TTLL6: variants seen among roughly 807,000 people sequenced by gnomAD.
TTLL6 encodes tubulin polyglutamylase TTLL6.
In TTLL6, 75 loss-of-function variants were observed where a neutral mutation model predicts 96.4. The observed-to-expected ratio is 0.78, with a 90% confidence interval of 0.65 to 0.94. TTLL6 has a LOEUF of 0.94. Among genes scored for constraint, TTLL6 ranks in the 40% least tolerant of loss-of-function variants. TTLL6 has a pLI of 0.00. For synonymous variants in TTLL6, 411 were observed against 419.4 expected (o/e 0.98, Z 0.24); for missense variants, 1,030 against 1,093.0 (o/e 0.94, Z 0.81).
chr17:48,789,116 TAAAA>T (rs5820726), intron 10 of TTLL6, among the ~76,000 whole-genome samples: 1 of 145,576 alleles, frequency 6.9e-6, no homozygotes. Flanking sequence ...TTCTTTATAG[TAAAA>T]AAAAAAAAAA....
At chr17:48,799,813 AG>A in intron 5 of TTLL6, 53 bp from the exon 6 acceptor site, 1 of 1,480,968 alleles carries the variant, frequency 6.8e-7, no homozygotes, top group Non-Finnish European at 9.2e-7. Flanking sequence ...AGCAATGAAA[AG>A]GAAGGCTAGC....
chr17:48,803,543 A>G (rs1422527458), intron 3 of TTLL6, among the ~76,000 whole-genome samples: 5 of 152,156 alleles, frequency 3.3e-5, no homozygotes, highest in Non-Finnish European at 5.9e-5. Flanking sequence ...AATAGAAAAT[A>G]GGTCTGTAGA....
intron 7 of TTLL6, 46 bp from the exon 8 acceptor site, chr17:48,796,192 G>T: frequency 6.9e-7 from 1 of 1,458,776 alleles, no homozygotes; most frequent in South Asian, 1.2e-5. Context: ...GGAAGGGCAG[G>T]CCCCCTGCTT....
intron 9 of TTLL6, among the ~76,000 whole-genome samples, chr17:48,790,384 G>A (rs1400509981): frequency 6.6e-6 from 1 of 152,234 alleles, no homozygotes; most frequent in African/African-American, 2.4e-5. Flanking sequence ...CATCTGGGGT[G>A]CATGTGTTCT....
intron 1 of TTLL6, among the ~76,000 whole-genome samples, chr17:48,807,180 C>T (rs1321677238): frequency 1.3e-5 from 2 of 151,200 alleles, no homozygotes; most frequent in African/African-American, 4.9e-5. Flanking sequence ...CTCCACCTCC[C>T]GGGTTCAAGT....
rs1310678428 is a variant in TTLL6 at position 48,785,219 on chromosome 17, C to T, written c.1762-18G>A. ...TGGATGTACTGAGGGAGGAAGAAAC[C>T]ACAACACACAGCCATGGGAACCCAG... On this transcript the variant is annotated intron_variant, in intron 12 of 15. Coordinates refer to ENST00000393382, the MANE Select transcript of TTLL6 (RefSeq NM_001130918.3). 1.2e-6 allele frequency: 2 copies of T among 1,613,844 alleles called. No homozygotes were observed. The highest frequency in any genetic ancestry group is 2.2e-5 in the South Asian group (2 of 90,970).
At chr17:48,770,222 G>C in intron 13 of TTLL6, 125 bp from the exon 14 acceptor site, 3 of 1,346,876 alleles carry the variant, frequency 2.2e-6, no homozygotes, top group Non-Finnish European at 2.9e-6. Flanking sequence ...GCCTCAAATT[G>C]GGCTCAAGTG....
intron 13 of TTLL6, among the ~76,000 whole-genome samples, chr17:48,778,594 G>A (rs1248839860): frequency 1.3e-5 from 2 of 149,016 alleles, no homozygotes; most frequent in African/African-American, 5.0e-5. Context: ...CCAGGAGTTT[G>A]AAACCAGCCT....
At chr17:48,774,434 G>T (rs986061753) in intron 13 of TTLL6, among the ~76,000 whole-genome samples, 15 of 151,574 alleles carry the variant, frequency 9.9e-5, no homozygotes, top group Admixed American at 1.3e-4. Flanking sequence ...AAAGTGCTAG[G>T]ATTACAGGCG....
intron 1 of TTLL6, among the ~76,000 whole-genome samples, chr17:48,807,771 CAA>C (rs1362088423): frequency 1.3e-5 from 2 of 152,136 alleles, no homozygotes; most frequent in East Asian, 1.9e-4. Context: ...CTCTGCCTCT[CAA>C]AGAGTTGAGA....
intron 9 of TTLL6, among the ~76,000 whole-genome samples, 171 bp downstream of exon 9, chr17:48,791,207 C>G (rs561696733): frequency 6.6e-5 from 10 of 152,172 alleles, no homozygotes; most frequent in Admixed American, 6.5e-4. Context: ...TGTCTACCCC[C>G]CTCTGGTGGC....
At chr17:48,784,629 T>A (rs653583) in intron 13 of TTLL6, among the ~76,000 whole-genome samples, 1 of 152,144 alleles carries the variant, frequency 6.6e-6, no homozygotes, top group Non-Finnish European at 1.5e-5. Flanking sequence ...TCAAGAACTG[T>A]GAGAGAATAA....
intron 1 of TTLL6, among the ~76,000 whole-genome samples, chr17:48,813,053 A>G (rs773897794): frequency 2.6e-5 from 4 of 152,170 alleles, no homozygotes; most frequent in Non-Finnish European, 4.4e-5. Flanking sequence ...TCTTTCCTCT[A>G]TTACAGATGA....
In TTLL6 at chr17:48,797,106, G is replaced by C. The variant is rs993514892; in HGVS notation, c.867C>G (p.Ala289=). 8.4e-6 allele frequency: 13 copies of C among 1,551,428 alleles called. No homozygotes were observed. In the Middle Eastern group the frequency reaches 5.0e-4, roughly 60 times the overall value. ...GGGAGTAAGAGGTCGTCGCAAAGCG[G>C]GCCAGTCCTTCATTGTACACAAAAA... is the stretch of plus-strand genomic sequence containing the variant. ...LRIFVYNEGL[A]RFATTSYSRP... The change falls in exon 7 of 16, where the codon GCC becomes GCG. Residue 289 remains alanine, a synonymous_variant. Transcript: ENST00000393382.
At chr17:48,787,731 C>G in intron 11 of TTLL6, 80 bp downstream of exon 11, 1 of 1,406,476 alleles carries the variant, frequency 7.1e-7, no homozygotes, top group African/African-American at 1.4e-5. Context: ...ACTCTCCCTG[C>G]CACTCCAGGC....
chr17:48,804,856 A>T lies in TTLL6; in HGVS notation c.239T>A (p.Leu80Gln). The T allele has an allele frequency of 6.4e-7, 1 of 1,552,366 alleles. No individual in the cohort carries two copies. Reference sequence around the variant, plus strand: ...CCCTGGGTTCTCTCTCACAAAAGCCAGCGCGACGGTTTCTTTTGGATCTTC... The same window carrying T: ...CCCTGGGTTCTCTCTCACAAAAGCCTGCGCGACGGTTTCTTTTGGATCTTC... The part of the protein sequence containing the change: ...SKEDPKETVA[L>Q]AFVRENPGAQ... The change falls in exon 2 of 16, where the codon CTG becomes CAG. Residue 80 changes from leucine to glutamine, a missense_variant. Transcript: ENST00000393382.
At chr17:48,796,426 C>A (rs532476094) in intron 7 of TTLL6, among the ~76,000 whole-genome samples, 5 of 152,204 alleles carry the variant, frequency 3.3e-5, no homozygotes, top group African/African-American at 7.2e-5. Flanking sequence ...TCAAGACCAG[C>A]CTGACCAACA....
intron 1 of TTLL6, among the ~76,000 whole-genome samples, chr17:48,811,303 C>T (rs2039588636): frequency 6.6e-6 from 1 of 152,022 alleles, no homozygotes; most frequent in South Asian, 2.1e-4. Flanking sequence ...CTCCTGACCT[C>T]AGGTGATCCA....
intron 1 of TTLL6, among the ~76,000 whole-genome samples, chr17:48,805,818 C>CA (rs11413809): frequency 0.12 from 18,429 of 149,718 alleles, 1,190 homozygotes; most frequent in Non-Finnish European, 0.14. Context: ...ATTAAAAATA[C>CA]AAAAAAAAAG....
Sources: allele counts gnomAD v4.1 joint callset (sites outside exome capture counted in the v4.1 genomes callset), GRCh38; gene constraint gnomAD v4.1.1; transcripts MANE v1.5; gene names NCBI Gene and HGNC (gene_info 2026-07-23, HGNC 2026-07-21).